PLEKHM3: variants seen among roughly 807,000 people sequenced by gnomAD.
The protein encoded by PLEKHM3 is pleckstrin homology domain containing M3, also known as pleckstrin homology domain-containing family M member 3.
A neutral mutation model predicts 81.8 loss-of-function variants in PLEKHM3; 45 were observed. The observed-to-expected ratio is 0.55, with a 90% CI of 0.43 to 0.71. PLEKHM3 has a LOEUF of 0.71. Among genes scored for constraint, PLEKHM3 ranks in the 30% least tolerant of loss-of-function variants. The pLI is 0.00. For missense variants in PLEKHM3, 788 were observed against 924.3 expected, an observed-to-expected ratio of 0.85 and a Z score of 1.91; for synonymous variants, 352 against 356.4, an observed-to-expected ratio of 0.99 and a Z score of 0.14.
intron 6 of PLEKHM3, among the ~76,000 whole-genome samples, chr2:207,871,765 G>A (rs920510556): frequency 7.9e-5 from 12 of 152,254 alleles, no homozygotes; most frequent in African/African-American, 2.9e-4. Flanking sequence ...AATATTCTGA[G>A]CTCAAAACAG....
intron 6 of PLEKHM3, among the ~76,000 whole-genome samples, chr2:207,865,801 A>AAAAAATATATAAATATATATAT: frequency 4.0e-5 from 1 of 25,300 alleles, no homozygotes; most frequent in African/African-American, 2.1e-4. Context: ...AAAAAAAAAA[A>AAAAAATATATAAATATATATAT]AGATATATAT....
chr2:207,830,081 C>G (rs1196704022), intron 7 of PLEKHM3, among the ~76,000 whole-genome samples: 1 of 152,020 alleles, frequency 6.6e-6, no homozygotes, highest in African/African-American at 2.4e-5. Flanking sequence ...GCGTGCACAC[C>G]TATTCCAGCA....
intron 5 of PLEKHM3, among the ~76,000 whole-genome samples, chr2:207,917,855 G>T (rs112342432): frequency 0.019 from 2,904 of 152,094 alleles, 96 homozygotes; most frequent in African/African-American, 0.066. Flanking sequence ...AAAAAATTCT[G>T]CCCTAAGAGA....
At position 207,858,180 on chromosome 2, in the gene PLEKHM3, A is replaced by ATATTTTT. The variant is rs751293954; in HGVS notation, c.2108+2924_2108+2925insAAAAATA. Among the ~76,000 whole-genome samples the ATATTTTT allele has an allele frequency of 2.9e-3, 302 of 103,836 alleles. 5 individuals carry two copies. The highest frequency in any genetic ancestry group is 0.01 in the African/African-American group (272 of 26,910). 68.1% of individuals were successfully genotyped at this position (103,836 alleles called of 152,430 possible). ...TGTGTGTGTGTGTGTGTGTGTATAT[A>ATATTTTT]TTTTTTTTTTTGAGATGAAGTCTCA... On this transcript the variant is annotated intron_variant, in intron 7 of 7. Coordinates refer to ENST00000427836, the MANE Select transcript of PLEKHM3 (RefSeq NM_001080475.3).
At chr2:207,910,334 A>C (rs933021796) in intron 5 of PLEKHM3, among the ~76,000 whole-genome samples, 6 of 152,142 alleles carry the variant, frequency 3.9e-5, no homozygotes, top group Non-Finnish European at 8.8e-5. Context: ...GATGTAATCA[A>C]CCTCCATTTT....
At chr2:207,890,943 T>C (rs1346578332) in intron 6 of PLEKHM3, among the ~76,000 whole-genome samples, 2 of 152,244 alleles carry the variant, frequency 1.3e-5, no homozygotes, top group African/African-American at 4.8e-5. Flanking sequence ...CACTTTATCA[T>C]TGGCTAACAA....
intron 2 of PLEKHM3, among the ~76,000 whole-genome samples, chr2:207,996,222 G>C (rs918465086): frequency 6.6e-6 from 1 of 152,090 alleles, no homozygotes; most frequent in African/African-American, 2.4e-5. Flanking sequence ...AAAAGTGTTT[G>C]ATTTTCTCTT....
chr2:207,881,070 TTAAA>T lies in PLEKHM3; in HGVS notation c.1951-19812_1951-19809del, dbSNP rs1002354445. On this transcript the variant is annotated intron_variant, in intron 6 of 7. Coordinates refer to ENST00000427836, the MANE Select transcript of PLEKHM3 (RefSeq NM_001080475.3). ...CCTCTTCTGAATTTCTGAATTTATC[TTAAA>T]TAGTCAGAAGATAAATGGTTTTGCA... Among the ~76,000 whole-genome samples the T allele has an allele frequency of 4.5e-3, 680 of 151,804 alleles. 10 individuals are homozygous for T. The highest frequency in any genetic ancestry group is 0.014 in the African/African-American group (564 of 41,464).
intron 2 of PLEKHM3, among the ~76,000 whole-genome samples, chr2:207,982,857 C>G (rs924022457): frequency 6.6e-6 from 1 of 152,080 alleles, no homozygotes; most frequent in South Asian, 2.1e-4. Context: ...GGATTACAGG[C>G]ATGAGCCACC....
At position 207,977,321 on chromosome 2, in the gene PLEKHM3, T is replaced by C. The variant is rs1208999840; in HGVS notation, c.876A>G (p.Ser292=). The C allele has an allele frequency of 6.2e-7, 1 of 1,614,186 alleles. No homozygotes were observed. The highest frequency in any genetic ancestry group is 8.5e-7 in the Non-Finnish European group (1 of 1,180,030). ...DNTQLQLKAE[S]PWEALDWGQK... is the part of the protein sequence containing the mutation. Reference sequence around the variant, plus strand: ...GTCCCCAGTCCAAAGCCTCCCATGGTGACTCTGCCTTTAGCTGTAGCTGAG... The same window carrying C: ...GTCCCCAGTCCAAAGCCTCCCATGGCGACTCTGCCTTTAGCTGTAGCTGAG... The change falls in exon 3 of 8, where the codon TCA becomes TCG. Residue 292 remains serine (S), a synonymous_variant. Transcript: ENST00000427836.
intron 7 of PLEKHM3, among the ~76,000 whole-genome samples, chr2:207,832,729 T>C (rs1351173264): frequency 1.3e-5 from 2 of 150,726 alleles, no homozygotes; most frequent in Non-Finnish European, 2.9e-5. Flanking sequence ...AGTCAGAGTT[T>C]GCAGAGAGCC....
chr2:207,943,652 A>G (rs1435436590), intron 4 of PLEKHM3, among the ~76,000 whole-genome samples: 1 of 151,986 alleles, frequency 6.6e-6, no homozygotes, highest in East Asian at 1.9e-4. Context: ...GCGGATCACG[A>G]GGTCAGGAGA....
chr2:207,844,414 T>C (rs10932210), intron 7 of PLEKHM3, among the ~76,000 whole-genome samples: 100,969 of 148,138 alleles, frequency 0.68, 35,081 homozygotes, highest in African/African-American at 0.75. Context: ...GCCATTCTCC[T>C]GCCTCAGCCT....
intron 1 of PLEKHM3, among the ~76,000 whole-genome samples, chr2:208,011,280 C>T (rs1333315138): frequency 6.6e-6 from 1 of 152,128 alleles, no homozygotes; most frequent in Non-Finnish European, 1.5e-5. Flanking sequence ...GAAAAAGACA[C>T]TTGCACATGC....
chr2:207,856,145 A>C (rs1269710535), intron 7 of PLEKHM3, among the ~76,000 whole-genome samples: 1 of 152,160 alleles, frequency 6.6e-6, no homozygotes, highest in African/African-American at 2.4e-5. Context: ...CAATTTTTAA[A>C]TTTTTATTAA....
chr2:207,865,791 A>ATAT, intron 6 of PLEKHM3, among the ~76,000 whole-genome samples: 1 of 36,660 alleles, frequency 2.7e-5, no homozygotes, highest in African/African-American at 1.6e-4. Context: ...CAAAAAAAAA[A>ATAT]AAAAAAAAAA....
At chr2:207,948,362 T>TTTTA in intron 3 of PLEKHM3, among the ~76,000 whole-genome samples, 1 of 141,390 alleles carries the variant, frequency 7.1e-6, no homozygotes, top group African/African-American at 2.7e-5. Context: ...TTTTTTTTTT[T>TTTTA]TTTTTTTTTT....
intron 5 of PLEKHM3, among the ~76,000 whole-genome samples, chr2:207,922,704 C>T (rs972757794): frequency 4.0e-5 from 6 of 151,830 alleles, no homozygotes; most frequent in Admixed American, 2.6e-4. Context: ...CCCAGTTACT[C>T]GGGAGGCTGA....
At chr2:207,834,130 C>T (rs796955394) in intron 7 of PLEKHM3, among the ~76,000 whole-genome samples, 2 of 140,540 alleles carry the variant, frequency 1.4e-5, no homozygotes, top group Non-Finnish European at 3.0e-5. Context: ...TTTTCTCTTT[C>T]TTTTTTTTTT....
Sources: gnomAD v4.1 joint callset for allele counts (sites outside exome capture counted in the v4.1 genomes callset) on GRCh38, gnomAD v4.1.1 for gene constraint, MANE v1.5 for transcripts, NCBI Gene and HGNC (gene_info 2026-07-23, HGNC 2026-07-21) for gene names.